Variants in MAP2K1 observed in about 807,000 individuals in gnomAD.
The protein encoded by MAP2K1 is dual specificity mitogen-activated protein kinase kinase 1.
In MAP2K1, 16 loss-of-function variants were observed where a neutral mutation model predicts 46.3. That is an observed-to-expected ratio of 0.35 (90% CI 0.23 to 0.52). The LOEUF (loss-of-function observed/expected upper bound fraction) is 0.52. Among genes scored for constraint, MAP2K1 ranks in the 20% least tolerant of loss-of-function variants. The pLI, the probability that MAP2K1 is intolerant of heterozygous loss-of-function variation, is 0.94. For missense variants in MAP2K1, 263 were observed against 497.1 expected (o/e 0.53, Z 4.48); for synonymous variants, 183 against 185.6 (o/e 0.99, Z 0.11).
chr15:66,401,328 A>G (rs561208774), intron 1 of MAP2K1, among the ~76,000 whole-genome samples: 1 of 152,304 alleles, frequency 6.6e-6, no homozygotes, highest in South Asian at 2.1e-4. Context: ...GATTGAACCA[A>G]TTTACAATGT....
chr15:66,491,391 C>G lies in MAP2K1; in HGVS notation c.*776C>G, dbSNP rs905309165. The G allele has an allele frequency of 4.3e-6, 1 of 231,348 alleles. No homozygotes were observed. Among genetic ancestry groups the G allele is most frequent in the Non-Finnish European group, 8.6e-6 (1 of 116,934 alleles). The allele number at this position is 231,348 out of a possible 1,614,324, so 14.3% of individuals were successfully genotyped here. A position where few individuals can be genotyped will look rare whatever the true frequency, so the allele number is the denominator to read the frequency against. On this transcript the variant is annotated 3_prime_UTR_variant, in exon 11 of 11. Transcript: ENST00000307102. Reference sequence around the variant, plus strand: ...TATTAAAATGTCGGATTTATCTTTCCCCATATCCAAGTACCAATGCTGTTG... The same window carrying G: ...TATTAAAATGTCGGATTTATCTTTCGCCATATCCAAGTACCAATGCTGTTG...
At chr15:66,466,405 G>A (rs777157637) in intron 5 of MAP2K1, among the ~76,000 whole-genome samples, 3 of 152,170 alleles carry the variant, frequency 2.0e-5, no homozygotes, top group Non-Finnish European at 2.9e-5. Context: ...CTGGCTGGGC[G>A]TGGTGGCTCA....
At chr15:66,476,237 C>T (rs1420238703) in intron 5 of MAP2K1, among the ~76,000 whole-genome samples, 2 of 152,160 alleles carry the variant, frequency 1.3e-5, no homozygotes, top group East Asian at 3.9e-4. Flanking sequence ...TGTAGCCTGG[C>T]CAGCCAGCTG....
intron 1 of MAP2K1, among the ~76,000 whole-genome samples, chr15:66,389,572 GTTTTTTTTTTTTTT>G (rs375412152): frequency 1.1e-5 from 1 of 86,962 alleles, no homozygotes; most frequent in African/African-American, 4.7e-5. Flanking sequence ...CTCTGTTGTG[GTTTTTTTTTTTTTT>G]TTTTTTTTTT....
chr15:66,467,277 G>A (rs1201900620), intron 5 of MAP2K1, among the ~76,000 whole-genome samples: 1 of 152,098 alleles, frequency 6.6e-6, no homozygotes, highest in Admixed American at 6.5e-5. Flanking sequence ...AATTATAACT[G>A]AGACAGTGAA....
intron 5 of MAP2K1, among the ~76,000 whole-genome samples, chr15:66,477,717 G>A (rs1385870555): frequency 2.6e-5 from 4 of 152,210 alleles, no homozygotes; most frequent in African/African-American, 9.6e-5. Flanking sequence ...TGGGGAGAGT[G>A]TGGGCCGGGT....
intron 1 of MAP2K1, among the ~76,000 whole-genome samples, chr15:66,397,471 T>C (rs2093370956): frequency 6.6e-6 from 1 of 151,552 alleles, no homozygotes; most frequent in Admixed American, 6.6e-5. Flanking sequence ...GAGGCAAGAG[T>C]GGGAAAAGAA....
chr15:66,485,010 T>C lies in MAP2K1; in HGVS notation c.714T>C (p.Thr238=), dbSNP rs1893003785. Residue 238 remains threonine (T), a synonymous_variant, in exon 7 of 11, where the codon ACT becomes ACC. Transcript: ENST00000307102. ...SYMSPERLQG[T]HYSVQSDIWS... is the part of the protein sequence containing the mutation. ...TGCAGCCAGAAAGACTCCAGGGGAC[T>C]CATTACTCTGTGCAGTCAGACATCT... 6.2e-7 allele frequency: 1 copy of C among 1,613,500 alleles called. No individual in the cohort carries two copies. The highest frequency in any genetic ancestry group is 8.5e-7 in the Non-Finnish European group (1 of 1,180,008).
At chr15:66,424,667 C>T (rs935727275) in intron 1 of MAP2K1, among the ~76,000 whole-genome samples, 1 of 151,998 alleles carries the variant, frequency 6.6e-6, no homozygotes, top group Admixed American at 6.6e-5. Context: ...TAATCCTTTG[C>T]CACAAAGGGA....
rs752994941 is a variant in MAP2K1 at position 66,436,770 on chromosome 15, G to A, written c.316G>A (p.Ala106Thr). The stretch of plus-strand genomic sequence containing the variant: ...GCTAATTCATCTGGAGATCAAACCC[G>A]CAATCCGGAACCAGATCATAAGGGA... Reference protein sequence around the residue: ...RKLIHLEIKPAIRNQIIRELQ... With the variant: ...RKLIHLEIKPTIRNQIIRELQ... Residue 106 changes from alanine to threonine, a missense_variant, in exon 3 of 11, where the codon GCA (alanine) becomes ACA (threonine). Coordinates refer to ENST00000307102, the MANE Select transcript of MAP2K1 (RefSeq NM_002755.4). The A allele has an allele frequency of 6.2e-6, 10 of 1,613,868 alleles. No homozygotes were observed. The highest frequency in any genetic ancestry group is 8.5e-6 in the Non-Finnish European group (10 of 1,180,012).
chr15:66,481,658 A>G, intron 5 of MAP2K1, 97 bp from the exon 6 acceptor site: 1 of 1,401,524 alleles, frequency 7.1e-7, no homozygotes, highest in South Asian at 1.2e-5. Flanking sequence ...TGGTCCTGGG[A>G]CTCGTGGTCA....
intron 5 of MAP2K1, among the ~76,000 whole-genome samples, chr15:66,458,056 G>A (rs902619089): frequency 6.6e-6 from 1 of 152,140 alleles, no homozygotes; most frequent in Non-Finnish European, 1.5e-5. Context: ...GACGTGGGTA[G>A]GAGACAGGAT....
chr15:66,444,718 A>T lies in MAP2K1; in HGVS notation c.568+11A>T, dbSNP rs769848510. Reference sequence around the variant, plus strand: ...AGATCATGCACAGAGGTAAGAAGTTATTTGCTAGTTATTTTGCTTTGAATT... The same window carrying T: ...AGATCATGCACAGAGGTAAGAAGTTTTTTGCTAGTTATTTTGCTTTGAATT... On this transcript the variant is annotated intron_variant, in intron 5 of 10. Coordinates refer to ENST00000307102, the MANE Select transcript of MAP2K1 (RefSeq NM_002755.4). 3.7e-6 allele frequency: 6 copies of T among 1,608,298 alleles called. 1 individual carries two copies. The Admixed American group carries it at 1.0e-4, about 27-fold the overall frequency.
intron 10 of MAP2K1, 114 bp downstream of exon 10, chr15:66,489,877 G>A: frequency 3.3e-6 from 3 of 916,926 alleles, no homozygotes; most frequent in Non-Finnish European, 5.4e-6. Flanking sequence ...CTGTGGTCCA[G>A]CTGAGCCTGG....
At chr15:66,482,238 C>G (rs1212671148) in intron 6 of MAP2K1, among the ~76,000 whole-genome samples, 1 of 152,112 alleles carries the variant, frequency 6.6e-6, no homozygotes, top group African/African-American at 2.4e-5. Context: ...CCCAAACTAC[C>G]TCACCTTCTC....
rs182276983 is a variant in MAP2K1 at position 66,393,440 on chromosome 15, T to C, written c.80+6013T>C. On this transcript the variant is annotated intron_variant, in intron 1 of 10. Coordinates refer to ENST00000307102, the MANE Select transcript of MAP2K1 (RefSeq NM_002755.4). Reference sequence around the variant, plus strand: ...ATCTGCCCTCCTTGGCCTCCCAAAGTGCTGGGATTACAGGTGTGAACCACC... The same window carrying C: ...ATCTGCCCTCCTTGGCCTCCCAAAGCGCTGGGATTACAGGTGTGAACCACC... Among the ~76,000 whole-genome samples the C allele has an allele frequency of 3.3e-3, 510 of 152,250 alleles. 1 individual carries two copies. Among genetic ancestry groups the C allele is most frequent in the Middle Eastern group, 0.017 (5 of 294 alleles).
chr15:66,395,249 C>A (rs997750157), intron 1 of MAP2K1, among the ~76,000 whole-genome samples: 3 of 152,064 alleles, frequency 2.0e-5, no homozygotes, highest in African/African-American at 7.2e-5. Flanking sequence ...AAGAGATTAA[C>A]AATAATAACC....
chr15:66,432,817 C>T (rs1188722759), intron 1 of MAP2K1, among the ~76,000 whole-genome samples: 1 of 152,178 alleles, frequency 6.6e-6, no homozygotes, highest in Non-Finnish European at 1.5e-5. Context: ...CCTGTCTGTG[C>T]TTGAGTTTGC....
At position 66,490,985 on chromosome 15, in the gene MAP2K1, C is replaced by T. The variant is rs1308333252; in HGVS notation, c.*370C>T. The T allele has an allele frequency of 2.1e-5, 9 of 434,456 alleles. No individual in the cohort carries two copies. Among genetic ancestry groups the T allele is most frequent in the Non-Finnish European group, 1.3e-5 (3 of 233,580 alleles). 26.9% of individuals were successfully genotyped at this position (434,456 alleles called of 1,614,324 possible). A position where few individuals can be genotyped will look rare whatever the true frequency, so the allele number is the denominator to read the frequency against. The stretch of plus-strand genomic sequence containing the variant: ...TGCCTGTATTTTCGGGATTCTTTGA[C>T]ATTTGGTGGTACTTTATTCTTGCTG... On this transcript the variant is annotated 3_prime_UTR_variant, in exon 11 of 11. Coordinates refer to ENST00000307102, the MANE Select transcript of MAP2K1 (RefSeq NM_002755.4).
Sources: gnomAD v4.1 joint callset for allele counts (sites outside exome capture counted in the v4.1 genomes callset) on GRCh38, gnomAD v4.1.1 for gene constraint, MANE v1.5 for transcripts, NCBI Gene and HGNC (gene_info 2026-07-23, HGNC 2026-07-21) for gene names.